The following IRAK4 variants were observed in gnomAD, a reference collection of about 807,000 sequenced individuals.
The protein encoded by IRAK4 is interleukin-1 receptor-associated kinase 4.
IRAK4 carries 44 observed loss-of-function variants against 51.8 expected under a neutral mutation model. The observed-to-expected ratio is 0.85, with a 90% CI of 0.67 to 1.09. The LOEUF (loss-of-function observed/expected upper bound fraction) is 1.09, where lower values mean the gene tolerates loss of function less well. Among genes scored for constraint, IRAK4 ranks in the 50% least tolerant of loss-of-function variants. The probability of loss-of-function intolerance (pLI) is 0.00; values close to 1 mark genes in which losing one functional copy is unlikely to be tolerated. For missense variants in IRAK4, 487 were observed against 538.0 expected (o/e 0.91, Z 0.94); for synonymous variants, 149 against 174.1 (o/e 0.86, Z 1.13).
At chr12:43,780,773 G>T (rs546415680) in intron 8 of IRAK4, among the ~76,000 whole-genome samples, 27 of 152,176 alleles carry the variant, frequency 1.8e-4, no homozygotes, top group African/African-American at 6.5e-4. Context: ...GTTTCTCCAT[G>T]TTGATCAGGT....
At chr12:43,772,742 C>G (rs547802288) in intron 4 of IRAK4, among the ~76,000 whole-genome samples, 170 bp from the exon 5 acceptor site, 1 of 152,126 alleles carries the variant, frequency 6.6e-6, no homozygotes, top group African/African-American at 2.4e-5. Context: ...AAACAGAGTT[C>G]TCAAGAAAAA....
chr12:43,766,841 A>G (rs942480818), intron 1 of IRAK4, among the ~76,000 whole-genome samples: 1 of 152,220 alleles, frequency 6.6e-6, no homozygotes, highest in African/African-American at 2.4e-5. Context: ...TAAAATTAGC[A>G]TGGTCCTGAA....
intron 6 of IRAK4, among the ~76,000 whole-genome samples, chr12:43,775,874 CTTTTTTTT>C (rs770553873): frequency 2.2e-5 from 2 of 90,530 alleles, no homozygotes; most frequent in African/African-American, 5.0e-5. Flanking sequence ...AATATCATTA[CTTTTTTTT>C]TTTTTTTTTT....
Position 43,772,769 on chromosome 12 carries a change from T to C in IRAK4, c.491-143T>C, listed in dbSNP as rs1194962718. The C allele has an allele frequency of 7.3e-6, 5 of 683,782 alleles. No homozygotes were observed. In the East Asian group the frequency reaches 1.2e-4, roughly 16 times the overall value. The allele number at this position is 683,782 out of a possible 1,614,324, so 42.4% of individuals were successfully genotyped here. ...CAAGAAAAACTTATAATTTGTATTT[T>C]AGAAATGGTTTTATCTTCTCTCATC... is the stretch of plus-strand genomic sequence containing the variant. On this transcript the variant is annotated intron_variant, in intron 4 of 11. Transcript: ENST00000613694.
At chr12:43,778,403 T>A (rs1941487225) in intron 8 of IRAK4, 101 bp downstream of exon 8, 1 of 719,754 alleles carries the variant, frequency 1.4e-6, no homozygotes, top group East Asian at 2.7e-5. Flanking sequence ...CTAGAGCATC[T>A]GGACTTTTTT....
chr12:43,777,753 T>C lies in IRAK4; in HGVS notation c.831+9T>C, dbSNP rs369542777. 6.3e-7 allele frequency: 1 copy of C among 1,594,994 alleles called. No individual in the cohort carries two copies. Among genetic ancestry groups the C allele is most frequent in the Non-Finnish European group, 8.6e-7 (1 of 1,163,018 alleles). On this transcript the variant is annotated intron_variant, in intron 7 of 11. Transcript: ENST00000613694. ...ACAGACTCTCTTGCTTGGTAAGCTA[T>C]TTGTTCATCAGATTGTTTGGCTTTT...
At position 43,787,368 on chromosome 12, in the gene IRAK4, G is replaced by A. The variant is rs1306692538; in HGVS notation, c.*653G>A. On this transcript the variant is annotated 3_prime_UTR_variant, in exon 12 of 12. Coordinates refer to ENST00000613694, the MANE Select transcript of IRAK4 (RefSeq NM_016123.4). ...ATTATGTTACATGACAAAGTTGAAG[G>A]AATTTGGCAGATGCAGTTAAGGTTC... The A allele has an allele frequency of 6.6e-6, 1 of 152,352 alleles. No homozygotes were observed. The highest frequency in any genetic ancestry group is 2.4e-5 in the African/African-American group (1 of 41,462). 9.4% of individuals were successfully genotyped at this position (152,352 alleles called of 1,614,324 possible).
At position 43,788,163 on chromosome 12, in the gene IRAK4, A is replaced by G. The variant is rs1197073311; in HGVS notation, c.*1448A>G. On this transcript the variant is annotated 3_prime_UTR_variant, in exon 12 of 12. Coordinates refer to ENST00000613694, the MANE Select transcript of IRAK4 (RefSeq NM_016123.4). ...GATACTCTCCCATGATGTTTTTCCCATGATGATTTCCCATGATATTTACAG... is the reference window on the plus strand; with the variant it reads ...GATACTCTCCCATGATGTTTTTCCCGTGATGATTTCCCATGATATTTACAG... The G allele has an allele frequency of 1.3e-5, 2 of 152,272 alleles. No homozygotes were observed. Among genetic ancestry groups the G allele is most frequent in the African/African-American group, 2.4e-5 (1 of 41,464 alleles). 9.4% of individuals were successfully genotyped at this position (152,272 alleles called of 1,614,324 possible).
intron 2 of IRAK4, chr12:43,768,505 A>T: frequency 2.8e-6 from 1 of 355,666 alleles, no homozygotes; most frequent in Non-Finnish European, 5.0e-6. Flanking sequence ...TTGGGTTAGA[A>T]TCAAGATTCC....
At chr12:43,776,475 T>C (rs908476301) in intron 6 of IRAK4, among the ~76,000 whole-genome samples, 2 of 152,242 alleles carry the variant, frequency 1.3e-5, no homozygotes, top group African/African-American at 2.4e-5. Flanking sequence ...GAAATTGATA[T>C]AATGAACTGC....
At position 43,772,958 on chromosome 12, in the gene IRAK4, CTT is replaced by C. The variant is rs753106997; in HGVS notation, c.539_540del (p.Phe180Ter). ...ATGAATTGAAGAATGTCACAAATAACTTTGATGAACGACCCATTTCTGTTGGT... is the reference window on the plus strand; with the variant it reads ...ATGAATTGAAGAATGTCACAAATAACTGATGAACGACCCATTTCTGTTGGT... ...FYELKNVTNN[F>X]DERPISVGGN... On this transcript the variant is annotated frameshift_variant, in exon 5 of 12. Coordinates refer to ENST00000613694, the MANE Select transcript of IRAK4 (RefSeq NM_016123.4). LOFTEE classifies it high-confidence loss of function. 1 of 1,610,798 alleles carries C rather than the reference CTT, an allele frequency of 6.2e-7. No individual in the cohort carries two copies. The highest frequency in any genetic ancestry group is 8.5e-7 in the Non-Finnish European group (1 of 1,178,206).
chr12:43,766,201 C>T (rs1363248406), intron 1 of IRAK4, among the ~76,000 whole-genome samples: 1 of 151,926 alleles, frequency 6.6e-6, no homozygotes, highest in Admixed American at 6.6e-5. Flanking sequence ...GCTACCTTTC[C>T]ACCCTCATCT....
intron 1 of IRAK4, among the ~76,000 whole-genome samples, chr12:43,767,238 C>T (rs1011759801): frequency 6.6e-6 from 1 of 152,066 alleles, no homozygotes; most frequent in Non-Finnish European, 1.5e-5. Flanking sequence ...ATAAAATCCA[C>T]ATAGAAAGAA....
At chr12:43,762,216 TG>T (rs1939637631) in intron 1 of IRAK4, among the ~76,000 whole-genome samples, 2 of 152,204 alleles carry the variant, frequency 1.3e-5, no homozygotes, top group African/African-American at 4.8e-5. Context: ...TTTTAATTTC[TG>T]GGATTTTGAA....
rs73093772 is a variant in IRAK4 at position 43,784,636 on chromosome 12, C to T, written c.1188+912C>T. ...TTTCCTTCAAAATATATAAAAGCCTCAAAACTTTGGCTTGAGTAAGAATGA... is the reference window on the plus strand; with the variant it reads ...TTTCCTTCAAAATATATAAAAGCCTTAAAACTTTGGCTTGAGTAAGAATGA... On this transcript the variant is annotated intron_variant, in intron 10 of 11. Transcript: ENST00000613694. Among the ~76,000 whole-genome samples, 1,273 of 152,288 alleles carry T rather than the reference C, an allele frequency of 8.4e-3. 10 individuals are homozygous for T. The highest frequency in any genetic ancestry group is 0.012 in the Non-Finnish European group (828 of 68,018).
At chr12:43,760,792 C>T (rs1252424527) in intron 1 of IRAK4, 1 of 152,204 alleles carries the variant, frequency 6.6e-6, no homozygotes, top group African/African-American at 2.4e-5. Context: ...TCACTTGGCA[C>T]CATCTAACAT....
intron 1 of IRAK4, chr12:43,759,611 G>A (rs1375163838): frequency 6.5e-6 from 1 of 152,770 alleles, no homozygotes; most frequent in Non-Finnish European, 1.5e-5. Context: ...GCTCATGCTT[G>A]TAATCCCAGC....
rs1942340009 is a variant in IRAK4 at position 43,788,267 on chromosome 12, T to G, written c.*1552T>G. 6.6e-6 allele frequency: 1 copy of G among 152,202 alleles called. No homozygotes were observed. Among genetic ancestry groups the G allele is most frequent in the African/African-American group, 2.4e-5 (1 of 41,432 alleles). 9.4% of individuals were successfully genotyped at this position (152,202 alleles called of 1,614,324 possible). ...GAGGCTTATAGTGTACGTACTGAAA[T>G]GTGGGGTTGGAGCCCCAACACAGAG... is the stretch of plus-strand genomic sequence containing the variant. On this transcript the variant is annotated 3_prime_UTR_variant, in exon 12 of 12. Transcript: ENST00000613694.
chr12:43,777,527 ATTTTTTTGCTC>A (rs927086868), intron 6 of IRAK4, 92 bp from the exon 7 acceptor site: 24 of 994,192 alleles, frequency 2.4e-5, no homozygotes, highest in South Asian at 1.0e-4. Flanking sequence ...ATAACATACT[ATTTTTTTGCTC>A]TTTTTTTCTA....
Sources: gnomAD v4.1 joint callset for allele counts (sites outside exome capture counted in the v4.1 genomes callset) on GRCh38, gnomAD v4.1.1 for gene constraint, MANE v1.5 for transcripts, NCBI Gene and HGNC (gene_info 2026-07-23, HGNC 2026-07-21) for gene names.